Variants in MBTPS1 observed in about 807,000 individuals in gnomAD.
The protein encoded by MBTPS1 is membrane bound transcription factor peptidase, site 1, also known as membrane-bound transcription factor site-1 protease.
A neutral mutation model predicts 127.8 loss-of-function variants in MBTPS1; 94 were observed. That is an observed-to-expected ratio of 0.74 (90% CI 0.62 to 0.87). MBTPS1 has a LOEUF of 0.87. MBTPS1 is among the 40% of genes least tolerant of loss of function. The pLI, the probability that MBTPS1 is intolerant of heterozygous loss-of-function variation, is 0.00. For missense variants in MBTPS1, 1,636 were observed against 1,353.2 expected, an observed-to-expected ratio of 1.21 and a Z score of -3.28; for synonymous variants, 632 against 509.4, an observed-to-expected ratio of 1.24 and a Z score of -3.24.
rs2086480686 is a variant in MBTPS1, at chr16:84,116,472, TTC to T, written c.-325+261_-325+262del. ...TCCGGGCCAGAGCAGGGCGTATTGT[TTC>T]ACTCGGTGAATGCTCATTTCACGTA... On this transcript the variant is annotated intron_variant, in intron 1 of 22. Coordinates refer to ENST00000343411, the MANE Select transcript of MBTPS1 (RefSeq NM_003791.4). Among the ~76,000 whole-genome samples, 36 of 152,362 alleles carry T rather than the reference TTC, an allele frequency of 2.4e-4. No homozygotes were observed. The South Asian group carries it at 7.0e-3, about 30-fold the overall frequency.
intron 14 of MBTPS1, 92 bp downstream of exon 14, chr16:84,069,774 T>G (rs1415634263): frequency 8.2e-7 from 1 of 1,217,400 alleles, no homozygotes. Flanking sequence ...CACGAGAAGC[T>G]GAGCAACATC....
intron 9 of MBTPS1, among the ~76,000 whole-genome samples, chr16:84,085,571 G>GC (rs1262871740): frequency 0.019 from 1,562 of 80,750 alleles, 34 homozygotes; most frequent in African/African-American, 0.03. Context: ...CCCCGCACCC[G>GC]CCCCCCCCCC....
chr16:84,079,580 T>C (rs2151154985), intron 11 of MBTPS1, among the ~76,000 whole-genome samples: 1 of 152,298 alleles, frequency 6.6e-6, no homozygotes, highest in South Asian at 2.1e-4. Context: ...GGGCTAGCAG[T>C]TCCAAAGCTG....
intron 2 of MBTPS1, among the ~76,000 whole-genome samples, chr16:84,099,692 A>C (rs1408149555): frequency 6.6e-6 from 1 of 151,464 alleles, no homozygotes; most frequent in Non-Finnish European, 1.5e-5. Context: ...CAGGAGAATC[A>C]CTTGAACCTG....
rs199679523 is a variant in MBTPS1, at chr16:84,068,465, A to G, written c.1956-11T>C. 6.5e-6 allele frequency: 10 copies of G among 1,533,064 alleles called. No homozygotes were observed. In the East Asian group the frequency reaches 2.0e-4, roughly 31 times the overall value. The allele number at this position is 1,533,064 out of a possible 1,614,324, so 95.0% of individuals were successfully genotyped here. A position where few individuals can be genotyped will look rare whatever the true frequency, so the allele number is the denominator to read the frequency against. ...ATGTGATCACCATTCCTGAAAAACAATAGGCCACAGCATTAAAATGATCGA... is the reference window on the plus strand; with the variant it reads ...ATGTGATCACCATTCCTGAAAAACAGTAGGCCACAGCATTAAAATGATCGA... On this transcript the variant is annotated splice_polypyrimidine_tract_variant and intron_variant, in intron 14 of 22. Transcript: ENST00000343411.
At chr16:84,079,302 T>C (rs2085904430) in intron 11 of MBTPS1, among the ~76,000 whole-genome samples, 1 of 152,186 alleles carries the variant, frequency 6.6e-6, no homozygotes, top group Admixed American at 6.5e-5. Flanking sequence ...TCTCAGGTAT[T>C]TTTTTATAGC....
In MBTPS1 at chr16:84,093,164, T is replaced by G. The variant is rs749144695; in HGVS notation, c.846+24A>C. ...ACATTTCAGTATGAATTCCTCAAGT[T>G]TCAGGAGTCCTCAAAACACCTACCT... On this transcript the variant is annotated intron_variant, in intron 6 of 22. Transcript: ENST00000343411. The G allele has an allele frequency of 9.7e-6, 14 of 1,450,150 alleles. No individual in the cohort carries two copies. The Admixed American group carries it at 1.0e-4, about 10-fold the overall frequency. 89.8% of individuals were successfully genotyped at this position (1,450,150 alleles called of 1,614,324 possible).
intron 11 of MBTPS1, among the ~76,000 whole-genome samples, chr16:84,080,138 C>G (rs1288913760): frequency 6.6e-6 from 1 of 152,000 alleles, no homozygotes; most frequent in Non-Finnish European, 1.5e-5. Context: ...AACTCGGGGA[C>G]AATTTGAACG....
chr16:84,085,030 G>A lies in MBTPS1; in HGVS notation c.1239C>T (p.Thr413=), dbSNP rs2085999910. The A allele has an allele frequency of 6.2e-7, 1 of 1,613,992 alleles. No individual in the cohort carries two copies. Among genetic ancestry groups the A allele is most frequent in the South Asian group, 1.1e-5 (1 of 91,084 alleles). Residue 413 remains threonine (T), a synonymous_variant, in exon 10 of 23, where the codon ACC becomes ACT. Transcript: ENST00000343411. ...CTGCAACCACTGGAGAAGCAACACT[G>A]GTCCCTGAGAGGGCCCGGCACCCCC... ...VKGGCRALSG[T]SVASPVVAGA...
chr16:84,074,414 T>G (rs569302573), intron 12 of MBTPS1, among the ~76,000 whole-genome samples, 183 bp downstream of exon 12: 1 of 152,180 alleles, frequency 6.6e-6, no homozygotes, highest in African/African-American at 2.4e-5. Flanking sequence ...TCTTTATTAT[T>G]TGTAGAGACA....
chr16:84,093,042 A>C (rs1027644612), intron 6 of MBTPS1, 146 bp downstream of exon 6: 16 of 653,984 alleles, frequency 2.4e-5, no homozygotes, highest in African/African-American at 2.3e-4. Flanking sequence ...GCAGAGGAAC[A>C]GTAAACTGAG....
chr16:84,069,849 T>C lies in MBTPS1; in HGVS notation c.1955+17A>G, dbSNP rs2085744241. ...ACGGAGGCTGGGGAGGTGAAGTGCA[T>C]CCTGTGAGGTGCTTACCAGTCTAAA... On this transcript the variant is annotated intron_variant, in intron 14 of 22. Coordinates refer to ENST00000343411, the MANE Select transcript of MBTPS1 (RefSeq NM_003791.4). The C allele has an allele frequency of 1.2e-6, 2 of 1,606,776 alleles. No homozygotes were observed. The highest frequency in any genetic ancestry group is 1.8e-4 in the Middle Eastern group (1 of 5,666).
intron 3 of MBTPS1, among the ~76,000 whole-genome samples, chr16:84,097,643 A>G (rs1361944201): frequency 1.3e-5 from 2 of 152,296 alleles, no homozygotes; most frequent in East Asian, 1.9e-4. Flanking sequence ...AATAAAGTCA[A>G]CTAAAATACC....
chr16:84,058,841 C>CAGT (rs1339555788), intron 21 of MBTPS1, among the ~76,000 whole-genome samples: 1 of 152,200 alleles, frequency 6.6e-6, no homozygotes, highest in Non-Finnish European at 1.5e-5. Flanking sequence ...CTTTCACCCC[C>CAGT]AGTCACAGTC....
chr16:84,116,008 T>C (rs1387969105), intron 1 of MBTPS1, among the ~76,000 whole-genome samples: 7 of 152,032 alleles, frequency 4.6e-5, no homozygotes, highest in Admixed American at 2.6e-4. Context: ...AGACATACAA[T>C]TGGAGACCTT....
At chr16:84,066,217 C>G (rs574774138) in intron 17 of MBTPS1, among the ~76,000 whole-genome samples, 68 of 152,284 alleles carry the variant, frequency 4.5e-4, no homozygotes, top group Non-Finnish European at 8.8e-4. Context: ...AATTAAGAAG[C>G]TGTGAGGTAG....
At position 84,053,846 on chromosome 16, in the gene MBTPS1, A is replaced by C. The variant is rs918798285; in HGVS notation, c.*603T>G. 2 of 152,180 alleles carry C rather than the reference A, an allele frequency of 1.3e-5. No homozygotes were observed. Among genetic ancestry groups the C allele is most frequent in the African/African-American group, 4.8e-5 (2 of 41,442 alleles). The allele number at this position is 152,180 out of a possible 1,614,324, so 9.4% of individuals were successfully genotyped here. A position where few individuals can be genotyped will look rare whatever the true frequency, so the allele number is the denominator to read the frequency against. ...AAATCAAGACCTCAAATTACAAAACATGGTGGCAGGTGATACTTACAAAAA... is the reference window on the plus strand; with the variant it reads ...AAATCAAGACCTCAAATTACAAAACCTGGTGGCAGGTGATACTTACAAAAA... On this transcript the variant is annotated 3_prime_UTR_variant, in exon 23 of 23. Transcript: ENST00000343411.
In MBTPS1 at chr16:84,087,350, G is replaced by T; in HGVS notation, c.1134+8C>A. On this transcript the variant is annotated splice_region_variant and intron_variant, in intron 9 of 22. Transcript: ENST00000343411. Reference sequence around the variant, plus strand: ...CTAAATACAATTATTTAGCAAAGAAGAGCGTACCCAGGTAGTCATTCCCCT... The same window carrying T: ...CTAAATACAATTATTTAGCAAAGAATAGCGTACCCAGGTAGTCATTCCCCT... 1.2e-6 allele frequency: 2 copies of T among 1,604,292 alleles called. No homozygotes were observed. Among genetic ancestry groups the T allele is most frequent in the Non-Finnish European group, 1.7e-6 (2 of 1,171,352 alleles).
chr16:84,091,424 T>G (rs2086105063), intron 7 of MBTPS1, among the ~76,000 whole-genome samples: 1 of 148,360 alleles, frequency 6.7e-6, no homozygotes, highest in African/African-American at 2.5e-5. Flanking sequence ...AGGCGGAGGT[T>G]GCAGTGAGCC....
Sources: gnomAD v4.1 joint callset for allele counts (sites outside exome capture counted in the v4.1 genomes callset) on GRCh38, gnomAD v4.1.1 for gene constraint, MANE v1.5 for transcripts, NCBI Gene and HGNC (gene_info 2026-07-23, HGNC 2026-07-21) for gene names.